SYN2: variants seen among roughly 807,000 people sequenced by gnomAD.
The protein encoded by SYN2 is synapsin II, also known as synapsin-2.
SYN2 carries 19 observed loss-of-function variants against 50.9 expected under a neutral mutation model. The ratio of observed to expected loss-of-function variants is 0.37; its 90% CI spans 0.26 to 0.55. The LOEUF (loss-of-function observed/expected upper bound fraction) is 0.55, where lower values mean the gene tolerates loss of function less well. Among genes scored for constraint, SYN2 ranks in the 20% least tolerant of loss-of-function variants. The probability of loss-of-function intolerance (pLI) is 0.81; values close to 1 mark genes in which losing one functional copy is unlikely to be tolerated. For missense variants in SYN2, 587 were observed against 576.4 expected, an observed-to-expected ratio of 1.02 and a Z score of -0.19; for synonymous variants, 255 against 224.9, an observed-to-expected ratio of 1.13 and a Z score of -1.20.
intron 1 of SYN2, among the ~76,000 whole-genome samples, chr3:12,066,255 A>G (rs927148818): frequency 1.3e-5 from 2 of 152,212 alleles, no homozygotes; most frequent in East Asian, 1.9e-4. Flanking sequence ...AAATGATAGT[A>G]TGGAAAGCTA....
In SYN2 at chr3:12,187,504, GC is replaced by G; in HGVS notation, c.1506del (p.Gly503AlafsTer41). ...TCCTCCTCGGCTCCTCAGCGGCCGGGCGGCCCCACCACCCACGGAGATGCAC... is the reference window on the plus strand; with the variant it reads ...TCCTCCTCGGCTCCTCAGCGGCCGGGGGCCCCACCACCCACGGAGATGCAC... ...SSSSSAPQRP[G>X]GPTTHGDAPS... On this transcript the variant is annotated frameshift_variant, in exon 12 of 13. Coordinates refer to ENST00000621198, the MANE Select transcript of SYN2 (RefSeq NM_133625.6). LOFTEE classifies it high-confidence loss of function. 6.4e-7 allele frequency: 1 copy of G among 1,553,348 alleles called. No homozygotes were observed.
chr3:12,167,152 A>G (rs795008), intron 7 of SYN2, 82 bp from the exon 8 acceptor site: 1,397,952 of 1,412,778 alleles, frequency 0.99, 691,684 homozygotes, highest in East Asian at 1. Flanking sequence ...GCAACAGTGA[A>G]CTAAAATTCT....
intron 1 of SYN2, among the ~76,000 whole-genome samples, chr3:12,125,544 G>C (rs1696651478): frequency 6.6e-6 from 1 of 152,126 alleles, no homozygotes; most frequent in African/African-American, 2.4e-5. Flanking sequence ...CTGACCATCT[G>C]GAAGAATTTC....
intron 1 of SYN2, among the ~76,000 whole-genome samples, chr3:12,051,871 A>G (rs138882331): frequency 1.1e-4 from 16 of 152,328 alleles, no homozygotes; most frequent in Admixed American, 9.1e-4. Context: ...TCAGGAATTT[A>G]TTCAGCTTCT....
intron 10 of SYN2, among the ~76,000 whole-genome samples, chr3:12,182,847 C>T (rs563018123): frequency 5.3e-5 from 8 of 152,354 alleles, no homozygotes; most frequent in African/African-American, 1.7e-4. Flanking sequence ...CCCCTGCCCT[C>T]CTGCTCACCT....
At chr3:12,159,029 T>TC (rs1218444754) in intron 5 of SYN2, 2 of 730,294 alleles carry the variant, frequency 2.7e-6, no homozygotes, top group Non-Finnish European at 4.2e-6. Context: ...CCGAGGCTCT[T>TC]CCGACCTGCA....
chr3:12,026,297 A>G (rs1694255677), intron 1 of SYN2, among the ~76,000 whole-genome samples: 1 of 152,192 alleles, frequency 6.6e-6, no homozygotes, highest in Non-Finnish European at 1.5e-5. Flanking sequence ...TATGCTTGAA[A>G]TCCACTATAA....
At chr3:12,104,431 A>G (rs1341400953) in intron 1 of SYN2, among the ~76,000 whole-genome samples, 3 of 152,136 alleles carry the variant, frequency 2.0e-5, no homozygotes, top group African/African-American at 7.2e-5. Context: ...CCAAGCATCA[A>G]AAAATCAGTA....
chr3:12,010,555 A>G (rs1693894131), intron 1 of SYN2, among the ~76,000 whole-genome samples: 2 of 152,258 alleles, frequency 1.3e-5, no homozygotes, highest in South Asian at 4.1e-4. Flanking sequence ...GAAATGTTCC[A>G]TTAAAATGTG....
intron 1 of SYN2, among the ~76,000 whole-genome samples, chr3:12,138,745 CAGA>C (rs1175492128): frequency 1.3e-5 from 2 of 152,186 alleles, no homozygotes; most frequent in African/African-American, 4.8e-5. Context: ...ATTTACCTCA[CAGA>C]AGGAGAGCTA....
chr3:12,081,421 C>G (rs1695585418), intron 1 of SYN2, among the ~76,000 whole-genome samples: 1 of 151,964 alleles, frequency 6.6e-6, no homozygotes, highest in South Asian at 2.1e-4. Context: ...TATTTTTGTG[C>G]ACATTATTAG....
chr3:12,060,673 A>G (rs1695094397), intron 1 of SYN2, among the ~76,000 whole-genome samples: 2 of 152,302 alleles, frequency 1.3e-5, no homozygotes, highest in African/African-American at 2.4e-5. Flanking sequence ...ACAACAGAGG[A>G]CATACAAACA....
chr3:12,189,832 C>G (rs1022633639), intron 12 of SYN2, among the ~76,000 whole-genome samples: 5 of 152,028 alleles, frequency 3.3e-5, no homozygotes, highest in African/African-American at 1.2e-4. Flanking sequence ...AAAAAGAGAA[C>G]AGGGAAATTG....
intron 1 of SYN2, among the ~76,000 whole-genome samples, chr3:12,093,134 C>T (rs1695863795): frequency 6.6e-6 from 1 of 152,142 alleles, no homozygotes; most frequent in African/African-American, 2.4e-5. Context: ...TTCTGTGATG[C>T]CATTGTCCAG....
chr3:12,147,157 C>T (rs1022376859), intron 4 of SYN2, among the ~76,000 whole-genome samples: 8 of 152,118 alleles, frequency 5.3e-5, no homozygotes, highest in Admixed American at 2.6e-4. Flanking sequence ...GAAGTTTCCA[C>T]GCCTTTACAC....
chr3:12,140,809 A>C, intron 2 of SYN2, 101 bp downstream of exon 2: 1 of 713,072 alleles, frequency 1.4e-6, no homozygotes, highest in Non-Finnish European at 2.6e-6. Flanking sequence ...TACTGTGTCC[A>C]TCATTGGGTT....
chr3:12,077,554 A>G (rs1030125485), intron 1 of SYN2, among the ~76,000 whole-genome samples: 35 of 152,132 alleles, frequency 2.3e-4, no homozygotes, highest in African/African-American at 8.2e-4. Flanking sequence ...TCTACTTACA[A>G]GTGAGAATAT....
intron 1 of SYN2, among the ~76,000 whole-genome samples, chr3:12,116,469 G>A (rs1408287009): frequency 1.3e-5 from 2 of 152,154 alleles, no homozygotes; most frequent in Non-Finnish European, 2.9e-5. Context: ...GGTGGCAAAC[G>A]AACTTTTTGC....
At chr3:12,107,767 A>C (rs1022046670) in intron 1 of SYN2, among the ~76,000 whole-genome samples, 1 of 152,108 alleles carries the variant, frequency 6.6e-6, no homozygotes, top group Non-Finnish European at 1.5e-5. Flanking sequence ...AAGAGGAGCA[A>C]TATGACTTAC....
Sources: allele counts gnomAD v4.1 joint callset (sites outside exome capture counted in the v4.1 genomes callset), GRCh38; gene constraint gnomAD v4.1.1; transcripts MANE v1.5; gene names NCBI Gene and HGNC (gene_info 2026-07-23, HGNC 2026-07-21).